Variants in WWOX observed in about 807,000 individuals in gnomAD.
WWOX encodes WW domain containing oxidoreductase, also known as WW domain-containing oxidoreductase.
WWOX carries 69 observed loss-of-function variants against 46.2 expected under a neutral mutation model. That is an observed-to-expected ratio of 1.49 (90% CI 1.23 to 1.82). WWOX has a LOEUF of 1.82. WWOX is among the 40% of genes most tolerant of loss of function. The pLI is 0.00. For missense variants in WWOX, 919 were observed against 542.6 expected (o/e 1.69, Z -6.89); for synonymous variants, 359 against 202.6 (o/e 1.77, Z -6.56).
intron 8 of WWOX, among the ~76,000 whole-genome samples, chr16:78,754,730 A>C (rs1160402980): frequency 1.3e-5 from 2 of 152,160 alleles, no homozygotes; most frequent in African/African-American, 4.8e-5. Flanking sequence ...TGAAATAAGA[A>C]AAAAAGATTT....
chr16:79,004,865 G>C (rs1007258742), intron 8 of WWOX: 1 of 152,156 alleles, frequency 6.6e-6, no homozygotes, highest in Admixed American at 6.5e-5. Flanking sequence ...ACCTATGTGA[G>C]ATTTTATTAT....
At chr16:78,642,215 C>T (rs1473130160) in intron 8 of WWOX, among the ~76,000 whole-genome samples, 1 of 152,142 alleles carries the variant, frequency 6.6e-6, no homozygotes. Flanking sequence ...CATTCTATAG[C>T]ATCCCATGTT....
intron 8 of WWOX, among the ~76,000 whole-genome samples, chr16:78,542,472 T>C (rs2043922223): frequency 6.6e-6 from 1 of 152,214 alleles, no homozygotes; most frequent in African/African-American, 2.4e-5. Context: ...TTTTTGTTTT[T>C]GTTTTTTAGT....
At chr16:78,141,299 G>C (rs2033976359) in intron 4 of WWOX, among the ~76,000 whole-genome samples, 1 of 152,136 alleles carries the variant, frequency 6.6e-6, no homozygotes, top group Non-Finnish European at 1.5e-5. Flanking sequence ...GACAGGTTCT[G>C]GGCCTCTGTC....
At chr16:79,134,394 G>T (rs1466250238) in intron 8 of WWOX, among the ~76,000 whole-genome samples, 1 of 152,126 alleles carries the variant, frequency 6.6e-6, no homozygotes, top group Non-Finnish European at 1.5e-5. Flanking sequence ...CAGCATGGAA[G>T]GGGCTGTCTG....
intron 8 of WWOX, among the ~76,000 whole-genome samples, chr16:78,573,561 C>T (rs946308319): frequency 4.6e-5 from 7 of 152,200 alleles, no homozygotes; most frequent in South Asian, 4.1e-4. Context: ...TCCCTGGGCC[C>T]TCTGGGACTA....
At chr16:79,099,566 G>T (rs1356199415) in intron 8 of WWOX, among the ~76,000 whole-genome samples, 3 of 140,618 alleles carry the variant, frequency 2.1e-5, no homozygotes, top group Non-Finnish European at 4.8e-5. Flanking sequence ...AATGTAGATT[G>T]TGTGTGCGTG....
At chr16:79,007,538 C>G (rs2047214506) in intron 8 of WWOX, among the ~76,000 whole-genome samples, 2 of 152,226 alleles carry the variant, frequency 1.3e-5, no homozygotes, top group African/African-American at 4.8e-5. Context: ...ATAAGAGCAC[C>G]CAAAATATCC....
chr16:78,233,331 A>G (rs2037329848), intron 5 of WWOX, among the ~76,000 whole-genome samples: 1 of 152,110 alleles, frequency 6.6e-6, no homozygotes, highest in Non-Finnish European at 1.5e-5. Context: ...AAAAACACTT[A>G]ACATGAGACC....
rs926962499 is a variant in WWOX, at chr16:78,950,233, G to T, written c.1057-261375G>T. Among the ~76,000 whole-genome samples, 4 of 152,098 alleles carry T rather than the reference G, an allele frequency of 2.6e-5. No individual in the cohort carries two copies. In the East Asian group the frequency reaches 5.8e-4, roughly 22 times the overall value. On this transcript the variant is annotated intron_variant, in intron 8 of 8. Coordinates refer to ENST00000566780, the MANE Select transcript of WWOX (RefSeq NM_016373.4). The stretch of plus-strand genomic sequence containing the variant: ...AATATTCCCTCCTAATCTTTCAGTT[G>T]AATTACGGTCTTTAGCTCAAATGCA...
At chr16:78,604,327 C>G (rs919059372) in intron 8 of WWOX, among the ~76,000 whole-genome samples, 3 of 152,232 alleles carry the variant, frequency 2.0e-5, no homozygotes, top group South Asian at 2.1e-4. Context: ...CCTGACTTCT[C>G]TAGCCCTCAT....
At chr16:78,146,271 G>T (rs1401162574) in intron 4 of WWOX, among the ~76,000 whole-genome samples, 1 of 152,092 alleles carries the variant, frequency 6.6e-6, no homozygotes, top group Non-Finnish European at 1.5e-5. Context: ...CTCTGTTAGG[G>T]TTCCAAAGCC....
chr16:79,207,609 TCTATTTTTTA>T (rs1418946490), intron 8 of WWOX, among the ~76,000 whole-genome samples: 4 of 152,246 alleles, frequency 2.6e-5, no homozygotes, highest in African/African-American at 9.6e-5. Context: ...TGATATTGTG[TCTATTTTTTA>T]TATATCTCAT....
chr16:78,523,388 A>G (rs967890641), intron 8 of WWOX, among the ~76,000 whole-genome samples: 1 of 152,246 alleles, frequency 6.6e-6, no homozygotes, highest in African/African-American at 2.4e-5. Flanking sequence ...AAATGGCTCT[A>G]TAAGAGAGGA....
At chr16:78,357,308 C>T (rs989301940) in intron 5 of WWOX, among the ~76,000 whole-genome samples, 2 of 152,144 alleles carry the variant, frequency 1.3e-5, no homozygotes. Context: ...TTGGGAATAG[C>T]ATAGGTACTT....
chr16:78,752,987 A>G (rs1393804830), intron 8 of WWOX, among the ~76,000 whole-genome samples: 1 of 152,074 alleles, frequency 6.6e-6, no homozygotes, highest in African/African-American at 2.4e-5. Context: ...TCCAGGATAG[A>G]GGCAGTGATT....
At chr16:78,294,513 C>T (rs1006137847) in intron 5 of WWOX, among the ~76,000 whole-genome samples, 2 of 152,144 alleles carry the variant, frequency 1.3e-5, no homozygotes, top group African/African-American at 4.8e-5. Flanking sequence ...TTTCCCTAGT[C>T]ATCTCTTATT....
At chr16:78,681,198 G>A (rs1026214408) in intron 8 of WWOX, among the ~76,000 whole-genome samples, 3 of 151,996 alleles carry the variant, frequency 2.0e-5, no homozygotes, top group Admixed American at 1.3e-4. Context: ...GCATTGAGCC[G>A]AGATCATGCC....
intron 8 of WWOX, among the ~76,000 whole-genome samples, chr16:78,893,512 C>T (rs1255685324): frequency 6.6e-6 from 1 of 152,226 alleles, no homozygotes; most frequent in Non-Finnish European, 1.5e-5. Flanking sequence ...GGTGAGGTCA[C>T]TGCCTAAGAC....
Sources: allele counts gnomAD v4.1 joint callset (sites outside exome capture counted in the v4.1 genomes callset), GRCh38; gene constraint gnomAD v4.1.1; transcripts MANE v1.5; gene names NCBI Gene and HGNC (gene_info 2026-07-23, HGNC 2026-07-21).